Variants in MIS18A observed in about 807,000 individuals in gnomAD.
MIS18A encodes the protein MIS18 kinetochore protein A.
A neutral mutation model predicts 25.0 loss-of-function variants in MIS18A; 14 were observed. That is an observed-to-expected ratio of 0.56 (90% confidence interval 0.37 to 0.88). The LOEUF (loss-of-function observed/expected upper bound fraction) is 0.88, where lower values mean the gene tolerates loss of function less well. Ranked by LOEUF, MIS18A falls within the 40% of genes least tolerant of loss-of-function variation. The pLI is 0.00. For missense variants in MIS18A, 292 were observed against 290.8 expected (o/e 1.00, Z -0.03); for synonymous variants, 134 against 118.6 (o/e 1.13, Z -0.84).
At chr21:32,196,019 TAAA>T in the MIS18A span, among the ~76,000 whole-genome samples, 1 of 144,218 alleles carries the variant, frequency 6.9e-6, no homozygotes, top group Non-Finnish European at 1.5e-5. Context: ...GACTCCATCT[TAAA>T]AAAAAAAAAA....
At chr21:32,195,457 C>T in the MIS18A span, among the ~76,000 whole-genome samples, 1 of 152,178 alleles carries the variant, frequency 6.6e-6, no homozygotes, top group African/African-American at 2.4e-5. Context: ...GGCAGGAGCT[C>T]TTCTTCCCTC....
the MIS18A span, among the ~76,000 whole-genome samples, chr21:32,205,166 T>C: frequency 7.6e-6 from 1 of 130,794 alleles, no homozygotes; most frequent in Non-Finnish European, 1.6e-5. Context: ...GTGCAGTGGC[T>C]CGATCTCGGC....
At chr21:32,179,791 A>G in the MIS18A span, among the ~76,000 whole-genome samples, 1 of 152,254 alleles carries the variant, frequency 6.6e-6, no homozygotes, top group Non-Finnish European at 1.5e-5. Context: ...AATGTCACTC[A>G]CTAAGGAATG....
the MIS18A span, among the ~76,000 whole-genome samples, chr21:32,213,549 G>T: frequency 6.6e-6 from 1 of 152,310 alleles, no homozygotes; most frequent in East Asian, 1.9e-4. Context: ...AGAAACCAGT[G>T]GCTGGGAGAT....
At chr21:32,218,531 G>T in the MIS18A span, among the ~76,000 whole-genome samples, 2 of 152,312 alleles carry the variant, frequency 1.3e-5, no homozygotes, top group East Asian at 3.9e-4. Context: ...AAGGAGCAGA[G>T]AGGAAATAGA....
chr21:32,201,892 G>C, the MIS18A span, among the ~76,000 whole-genome samples: 1 of 151,962 alleles, frequency 6.6e-6, no homozygotes, highest in African/African-American at 2.4e-5. Flanking sequence ...TTTCAACTTT[G>C]CGTTACCTTT....
the MIS18A span, among the ~76,000 whole-genome samples, chr21:32,227,479 T>C: frequency 6.6e-6 from 1 of 152,022 alleles, no homozygotes; most frequent in Non-Finnish European, 1.5e-5. Context: ...GACATATTCT[T>C]AGAAAGATAA....
chr21:32,179,706 A>G, the MIS18A span, among the ~76,000 whole-genome samples: 1 of 152,252 alleles, frequency 6.6e-6, no homozygotes, highest in Admixed American at 6.5e-5. Context: ...AAAAGGAAAT[A>G]CAAGCTTAAG....
chr21:32,274,230 G>C (rs1461538261), intron 2 of MIS18A, among the ~76,000 whole-genome samples: 1 of 123,572 alleles, frequency 8.1e-6, no homozygotes, highest in East Asian at 2.3e-4. Context: ...TTTTTGAGAC[G>C]GAGTCTTTCT....
At chr21:32,200,728 G>A in the MIS18A span, among the ~76,000 whole-genome samples, 2 of 152,064 alleles carry the variant, frequency 1.3e-5, no homozygotes, top group Non-Finnish European at 2.9e-5. Flanking sequence ...GTGAGCCACC[G>A]TGCCCCGCCC....
chr21:32,220,256 T>G, the MIS18A span, among the ~76,000 whole-genome samples: 28 of 152,324 alleles, frequency 1.8e-4, no homozygotes, highest in African/African-American at 6.7e-4. Flanking sequence ...GGTGTCCCTC[T>G]GGGACGAAGC....
At chr21:32,235,899 G>A in the MIS18A span, among the ~76,000 whole-genome samples, 8,695 of 152,164 alleles carry the variant, frequency 0.057, 332 homozygotes, top group Middle Eastern at 0.11. Flanking sequence ...GTCTGATCTC[G>A]GAAGGCATTT....
At chr21:32,248,896 T>G in the MIS18A span, among the ~76,000 whole-genome samples, 1 of 152,110 alleles carries the variant, frequency 6.6e-6, no homozygotes, top group African/African-American at 2.4e-5. Context: ...TAAACTTGCC[T>G]TTTTTTCAAG....
At chr21:32,184,662 G>C in the MIS18A span, among the ~76,000 whole-genome samples, 2 of 152,114 alleles carry the variant, frequency 1.3e-5, no homozygotes, top group South Asian at 4.2e-4. Context: ...AGTCTCATAC[G>C]ACCAACAGAT....
At chr21:32,175,467 AT>A in the MIS18A span, among the ~76,000 whole-genome samples, 17 of 150,154 alleles carry the variant, frequency 1.1e-4, no homozygotes, top group African/African-American at 2.4e-4. Flanking sequence ...AAACTTTTTA[AT>A]TTTTTTTTTA....
the MIS18A span, among the ~76,000 whole-genome samples, chr21:32,193,480 GTAGA>G: frequency 0.46 from 63,874 of 137,790 alleles, 14,183 homozygotes; most frequent in Admixed American, 0.53. Context: ...AGATAGATAG[GTAGA>G]TAGATAGATA....
the MIS18A span, among the ~76,000 whole-genome samples, chr21:32,199,743 G>A: frequency 6.6e-6 from 1 of 152,148 alleles, no homozygotes; most frequent in Non-Finnish European, 1.5e-5. Context: ...AGGAGGCGGA[G>A]GTTGCAGTGA....
chr21:32,231,723 T>C, the MIS18A span, among the ~76,000 whole-genome samples: 1 of 152,044 alleles, frequency 6.6e-6, no homozygotes, highest in East Asian at 1.9e-4. Context: ...ACCATCCTGA[T>C]AAACACGGTG....
downstream of MIS18A, among the ~76,000 whole-genome samples, chr21:32,267,247 T>C (rs1245168076): frequency 1.3e-5 from 2 of 152,216 alleles, no homozygotes; most frequent in Non-Finnish European, 2.9e-5. Flanking sequence ...TGAAACACAG[T>C]ATTTCCTGGA....
Sources: allele counts gnomAD v4.1 joint callset (sites outside exome capture counted in the v4.1 genomes callset), GRCh38; gene constraint gnomAD v4.1.1; transcripts MANE v1.5; gene names NCBI Gene and HGNC (gene_info 2026-07-23, HGNC 2026-07-21).